The following COX16 variants were observed in gnomAD, a reference collection of about 807,000 sequenced individuals.
The protein encoded by COX16 is cytochrome c oxidase assembly protein COX16 homolog, mitochondrial.
COX16 carries 12 observed loss-of-function variants against 15.4 expected under a neutral mutation model. The ratio of observed to expected loss-of-function variants is 0.78; its 90% CI spans 0.50 to 1.26. The LOEUF (loss-of-function observed/expected upper bound fraction) is 1.26. Among genes scored for constraint, COX16 ranks in the 50% most tolerant of loss-of-function variants. The pLI, the probability that COX16 is intolerant of heterozygous loss-of-function variation, is 0.00. For synonymous variants in COX16, 46 were observed against 41.1 expected, an observed-to-expected ratio of 1.12 and a Z score of -0.46; for missense variants, 124 against 127.6, an observed-to-expected ratio of 0.97 and a Z score of 0.14.
intron 1 of COX16, among the ~76,000 whole-genome samples, chr14:70,346,906 ACATTC>A (rs1886800390): frequency 2.6e-5 from 4 of 151,920 alleles, no homozygotes; most frequent in South Asian, 4.2e-4. Context: ...CTCCACTTGC[ACATTC>A]CCCATAGTAC....
intron 1 of COX16, among the ~76,000 whole-genome samples, chr14:70,353,779 C>T (rs1348766768): frequency 1.3e-5 from 2 of 152,130 alleles, no homozygotes; most frequent in African/African-American, 2.4e-5. Context: ...TCCCAAAGTG[C>T]TGGGATTACA....
rs1457527848 is a variant in COX16 at position 70,325,908 on chromosome 14, C to T, written c.*425G>A. On this transcript the variant is annotated 3_prime_UTR_variant, in exon 4 of 4. Coordinates refer to ENST00000389912, the MANE Select transcript of COX16 (RefSeq NM_016468.7). ...CCCTAATAGATATGAGAGAAAATTACTGCTTGATTTTACTGTGAGAATTTG... is the reference window on the plus strand; with the variant it reads ...CCCTAATAGATATGAGAGAAAATTATTGCTTGATTTTACTGTGAGAATTTG... 1 of 152,348 alleles carries T rather than the reference C, an allele frequency of 6.6e-6. No individual in the cohort carries two copies. Among genetic ancestry groups the T allele is most frequent in the Non-Finnish European group, 1.5e-5 (1 of 68,208 alleles). The allele number at this position is 152,348 out of a possible 1,614,324, so 9.4% of individuals were successfully genotyped here.
intron 1 of COX16, among the ~76,000 whole-genome samples, chr14:70,357,606 CA>C (rs1887170058): frequency 6.6e-6 from 1 of 152,122 alleles, no homozygotes; most frequent in Non-Finnish European, 1.5e-5. Context: ...GACATTTCTC[CA>C]AAAAGATATT....
chr14:70,326,557 TC>T, intron 3 of COX16, 108 bp from the exon 4 acceptor site: 1 of 695,046 alleles, frequency 1.4e-6, no homozygotes, highest in African/African-American at 1.9e-5. Flanking sequence ...ATCCGATAGG[TC>T]CTCGATTACA....
chr14:70,344,298 A>C (rs140008923), intron 1 of COX16, among the ~76,000 whole-genome samples: 3,554 of 152,352 alleles, frequency 0.023, 121 homozygotes, highest in African/African-American at 0.079. Flanking sequence ...ACTGGTCCCC[A>C]GGCAAGAAGG....
At position 70,358,371 on chromosome 14, in the gene COX16, ATT is replaced by A. The variant is rs34871293; in HGVS notation, c.69+1146_69+1147del. ...AATATCGAATTTGCTAAAAACAACA[ATT>A]TTTTTTTTTTTTTTTTTTTTTGGAG... is the stretch of plus-strand genomic sequence containing the variant. On this transcript the variant is annotated intron_variant, in intron 1 of 3. Transcript: ENST00000389912. Among the ~76,000 whole-genome samples, 39 of 94,060 alleles carry A rather than the reference ATT, an allele frequency of 4.1e-4. 1 individual carries two copies. Among genetic ancestry groups the A allele is most frequent in the Admixed American group, 2.4e-3 (19 of 7,756 alleles). The allele number at this position is 94,060 out of a possible 152,430, so 61.7% of individuals were successfully genotyped here.
chr14:70,342,787 C>G, intron 1 of COX16, 58 bp from the exon 2 acceptor site: 1 of 1,581,544 alleles, frequency 6.3e-7, no homozygotes, highest in Non-Finnish European at 8.6e-7. Context: ...CAAATTCAGC[C>G]TATCTATAGA....
At chr14:70,353,217 C>T (rs1245618588) in intron 1 of COX16, among the ~76,000 whole-genome samples, 6 of 144,934 alleles carry the variant, frequency 4.1e-5, no homozygotes, top group South Asian at 2.2e-4. Context: ...GCCAAGACTG[C>T]GCCACTGTAC....
intron 2 of COX16, among the ~76,000 whole-genome samples, chr14:70,335,105 G>A (rs1323239198): frequency 2.6e-5 from 4 of 151,966 alleles, no homozygotes; most frequent in South Asian, 2.1e-4. Flanking sequence ...AAGAGACAAC[G>A]AAGGAAATTA....
chr14:70,327,249 C>G (rs1168635489), intron 3 of COX16, among the ~76,000 whole-genome samples: 1 of 152,172 alleles, frequency 6.6e-6, no homozygotes, highest in Non-Finnish European at 1.5e-5. Context: ...AAGCATTACT[C>G]TCTTACTAAC....
Position 70,343,666 on chromosome 14 carries a change from A to G in COX16, c.70-937T>C, listed in dbSNP as rs543023448. On this transcript the variant is annotated intron_variant, in intron 1 of 3. Transcript: ENST00000389912. ...GAAAGTCTTCAAATTCTTACTATAT[A>G]GTGAAATTCTGAAACATCATCTTAA... Among the ~76,000 whole-genome samples, 3 of 152,376 alleles carry G rather than the reference A, an allele frequency of 2.0e-5. No individual in the cohort carries two copies. The South Asian group carries it at 6.2e-4, about 32-fold the overall frequency.
intron 1 of COX16, among the ~76,000 whole-genome samples, chr14:70,349,381 G>A (rs527334311): frequency 1.1e-3 from 171 of 152,324 alleles, no homozygotes; most frequent in African/African-American, 3.9e-3. Context: ...GTAAGCAGAA[G>A]TGTTCCCAAC....
intron 2 of COX16, among the ~76,000 whole-genome samples, chr14:70,341,235 C>G (rs8017274): frequency 0.87 from 132,482 of 152,180 alleles, 57,729 homozygotes; most frequent in East Asian, 0.93. Flanking sequence ...AAGTAAAATT[C>G]CTCATTAAAT....
intron 1 of COX16, among the ~76,000 whole-genome samples, chr14:70,353,955 T>C (rs1448600599): frequency 2.0e-5 from 3 of 152,090 alleles, no homozygotes; most frequent in African/African-American, 7.2e-5. Context: ...TTTTTTCCCA[T>C]CAGAAGATTT....
At position 70,359,302 on chromosome 14, in the gene COX16, T is replaced by C. The variant is rs1408933344; in HGVS notation, c.69+217A>G. 45 of 639,850 alleles carry C rather than the reference T, an allele frequency of 7.0e-5. No individual in the cohort carries two copies. The Admixed American group carries it at 9.0e-4, about 13-fold the overall frequency. 39.6% of individuals were successfully genotyped at this position (639,850 alleles called of 1,614,324 possible). ...ACAAGCAGACAGATCCTAGTACACC[T>C]GAAATCCAACCGGGAGTGGGGGACA... On this transcript the variant is annotated intron_variant, in intron 1 of 3. Transcript: ENST00000389912.
chr14:70,345,708 C>T (rs542811219), intron 1 of COX16, among the ~76,000 whole-genome samples: 3 of 152,198 alleles, frequency 2.0e-5, no homozygotes, highest in African/African-American at 7.2e-5. Flanking sequence ...ATGTCCAGGC[C>T]TTTTTGCACT....
At chr14:70,349,827 G>C (rs947154194) in intron 1 of COX16, among the ~76,000 whole-genome samples, 2 of 152,108 alleles carry the variant, frequency 1.3e-5, no homozygotes, top group Admixed American at 6.5e-5. Context: ...TCTTTCATTT[G>C]TGAAGCAGCA....
At chr14:70,342,135 T>C (rs571606853) in intron 2 of COX16, among the ~76,000 whole-genome samples, 1 of 152,148 alleles carries the variant, frequency 6.6e-6, no homozygotes, top group Non-Finnish European at 1.5e-5. Context: ...ACATTGCAAA[T>C]TTCCTAATGA....
chr14:70,350,488 TAGTC>T (rs202035494), intron 1 of COX16, among the ~76,000 whole-genome samples: 1,725 of 152,188 alleles, frequency 0.011, 26 homozygotes, highest in African/African-American at 0.038. Flanking sequence ...ACCTTACAAA[TAGTC>T]AGCTGGGTCA....
Sources: gnomAD v4.1 joint callset for allele counts (sites outside exome capture counted in the v4.1 genomes callset) on GRCh38, gnomAD v4.1.1 for gene constraint, MANE v1.5 for transcripts, NCBI Gene and HGNC (gene_info 2026-07-23, HGNC 2026-07-21) for gene names.